Variants in FGGY observed in about 807,000 individuals in gnomAD.
FGGY encodes the protein FGGY carbohydrate kinase domain containing.
Under a neutral mutation model 71.3 loss-of-function variants are expected in FGGY, and 72 were observed. The observed-to-expected ratio is 1.01, with a 90% CI of 0.84 to 1.23. FGGY has a LOEUF of 1.23. Among genes scored for constraint, FGGY ranks in the 50% most tolerant of loss-of-function variants. The probability of loss-of-function intolerance (pLI) is 0.00; values close to 1 mark genes in which losing one functional copy is unlikely to be tolerated. For synonymous variants in FGGY, 251 were observed against 250.3 expected, an observed-to-expected ratio of 1.00 and a Z score of -0.02; for missense variants, 668 against 682.3, an observed-to-expected ratio of 0.98 and a Z score of 0.23.
At chr1:59,727,952 T>C (rs1299638248) in intron 14 of FGGY, among the ~76,000 whole-genome samples, 1 of 152,156 alleles carries the variant, frequency 6.6e-6, no homozygotes, top group Non-Finnish European at 1.5e-5. Flanking sequence ...AAAAGTGGGT[T>C]TCTTTGTAGG....
intron 7 of FGGY, among the ~76,000 whole-genome samples, chr1:59,525,260 C>T (rs900705823): frequency 6.6e-5 from 10 of 152,232 alleles, no homozygotes; most frequent in Non-Finnish European, 1.0e-4. Context: ...CACTGCTCCA[C>T]GCCTGGGTCA....
intron 6 of FGGY, among the ~76,000 whole-genome samples, chr1:59,475,745 A>G (rs926646601): frequency 6.6e-6 from 1 of 152,232 alleles, no homozygotes. Context: ...CACTATTAGT[A>G]TCGTAGTTCA....
intron 11 of FGGY, among the ~76,000 whole-genome samples, chr1:59,646,283 T>A (rs779703117): frequency 1.1e-4 from 16 of 152,174 alleles, no homozygotes; most frequent in Non-Finnish European, 2.1e-4. Context: ...AGTTTGTGGA[T>A]GTTTTTGCTG....
intron 3 of FGGY, among the ~76,000 whole-genome samples, chr1:59,341,983 G>A (rs1437380232): frequency 2.0e-5 from 3 of 152,088 alleles, no homozygotes; most frequent in Non-Finnish European, 2.9e-5. Flanking sequence ...GGTGTTGGGG[G>A]CAGAGTTAGA....
At chr1:59,732,738 GC>G (rs1395846209) in intron 14 of FGGY, among the ~76,000 whole-genome samples, 4 of 152,002 alleles carry the variant, frequency 2.6e-5, no homozygotes, top group Non-Finnish European at 5.9e-5. Context: ...GACCACTGTC[GC>G]CCCCACCTAG....
At chr1:59,412,965 G>A (rs1030879242) in intron 5 of FGGY, among the ~76,000 whole-genome samples, 2 of 152,116 alleles carry the variant, frequency 1.3e-5, no homozygotes, top group Non-Finnish European at 2.9e-5. Context: ...AAGTGCAAGA[G>A]CCCTCATTTT....
At chr1:59,564,117 G>T (rs1310479231) in intron 8 of FGGY, among the ~76,000 whole-genome samples, 1 of 152,174 alleles carries the variant, frequency 6.6e-6, no homozygotes, top group Non-Finnish European at 1.5e-5. Flanking sequence ...TACCATTCAG[G>T]ATGTAGGCAT....
At chr1:59,670,644 G>A (rs908361945) in intron 13 of FGGY, among the ~76,000 whole-genome samples, 29 of 152,054 alleles carry the variant, frequency 1.9e-4, no homozygotes, top group African/African-American at 6.5e-4. Context: ...GTCCAAGTAG[G>A]TGATCAGTAA....
At chr1:59,373,641 A>G (rs1265430696) in intron 4 of FGGY, among the ~76,000 whole-genome samples, 2 of 152,192 alleles carry the variant, frequency 1.3e-5, no homozygotes, top group Non-Finnish European at 2.9e-5. Flanking sequence ...GCATCACGCT[A>G]CCTGACTTCA....
At chr1:59,364,849 A>G (rs1459775793) in intron 4 of FGGY, among the ~76,000 whole-genome samples, 1 of 152,256 alleles carries the variant, frequency 6.6e-6, no homozygotes, top group African/African-American at 2.4e-5. Flanking sequence ...GAAGAACTCT[A>G]ATACAGGGTG....
At chr1:59,704,978 G>T (rs1169325004) in intron 14 of FGGY, among the ~76,000 whole-genome samples, 3 of 152,156 alleles carry the variant, frequency 2.0e-5, no homozygotes, top group Admixed American at 6.6e-5. Flanking sequence ...GGCAGAAAAT[G>T]ACTGCTCATT....
At position 59,762,581 on chromosome 1, in the gene FGGY, C is replaced by G; in HGVS notation, c.1653C>G (p.Asp551Glu). 1 of 1,613,200 alleles carries G rather than the reference C, an allele frequency of 6.2e-7. No homozygotes were observed. Among genetic ancestry groups the G allele is most frequent in the Admixed American group, 1.7e-5 (1 of 60,004 alleles). The change falls in exon 16 of 16, where the codon GAC (aspartate) becomes GAG (glutamate). Residue 551 changes from aspartate to glutamate, a missense_variant. By Grantham distance (45) the Asp-to-Glu change is conservative (BLOSUM62 2). Around this residue, in one of 2 missense-constraint regions of FGGY, gnomAD observed 661 missense variants for 661.6 expected, o/e 1.00. Coordinates refer to ENST00000303721, the MANE Select transcript of FGGY (RefSeq NM_018291.5). ...QKEYLAIMND[D>E] is the part of the protein sequence containing the mutation. ...AGTATTTGGCGATCATGAATGATGACTGAACAGGGCTTGCAGGTGCTGATG... is the reference window on the plus strand; with the variant it reads ...AGTATTTGGCGATCATGAATGATGAGTGAACAGGGCTTGCAGGTGCTGATG...
chr1:59,357,252 G>A (rs1319477821), intron 4 of FGGY, among the ~76,000 whole-genome samples: 2 of 151,122 alleles, frequency 1.3e-5, no homozygotes, highest in Non-Finnish European at 2.9e-5. Context: ...TAGTTTTATA[G>A]TCCAGCAAAG....
In FGGY at chr1:59,609,801, G is replaced by A. The variant is rs563894239; in HGVS notation, c.1011+1891G>A. On this transcript the variant is annotated intron_variant, in intron 9 of 15. Coordinates refer to ENST00000303721, the MANE Select transcript of FGGY (RefSeq NM_018291.5). The stretch of plus-strand genomic sequence containing the variant: ...TCAAAGTAAATGGAAGCATAGGTGG[G>A]TAGATGGATTCAAAGGGCATGTTCT... Among the ~76,000 whole-genome samples the A allele has an allele frequency of 9.8e-5, 15 of 152,334 alleles. No homozygotes were observed. In the East Asian group the frequency reaches 2.3e-3, roughly 24 times the overall value.
intron 14 of FGGY, chr1:59,680,711 T>C (rs1017864365): frequency 1.3e-5 from 2 of 152,204 alleles, no homozygotes; most frequent in African/African-American, 4.8e-5. Flanking sequence ...TTACTTTCCA[T>C]CCATTGTCAT....
At chr1:59,616,082 T>G (rs1417956234) in intron 9 of FGGY, among the ~76,000 whole-genome samples, 3 of 152,162 alleles carry the variant, frequency 2.0e-5, no homozygotes, top group Non-Finnish European at 2.9e-5. Flanking sequence ...GTGTGGTGAT[T>G]CCTCAGGGAT....
intron 7 of FGGY, among the ~76,000 whole-genome samples, chr1:59,543,010 G>A (rs2095468705): frequency 1.3e-5 from 2 of 152,156 alleles, no homozygotes; most frequent in African/African-American, 4.8e-5. Context: ...GTGGAGAGGA[G>A]AGCTAAATCT....
chr1:59,671,751 C>T (rs1178576765), intron 13 of FGGY, among the ~76,000 whole-genome samples: 2 of 152,130 alleles, frequency 1.3e-5, no homozygotes, highest in African/African-American at 2.4e-5. Flanking sequence ...ATGAGATAGG[C>T]GGAATTTTAA....
chr1:59,564,907 G>A (rs1432901949), intron 8 of FGGY, among the ~76,000 whole-genome samples: 1 of 152,156 alleles, frequency 6.6e-6, no homozygotes, highest in Non-Finnish European at 1.5e-5. Flanking sequence ...GATGGCCTGA[G>A]CCCAGTTTTC....
Sources: gnomAD v4.1 joint callset for allele counts (sites outside exome capture counted in the v4.1 genomes callset) on GRCh38, gnomAD v4.1.1 for gene constraint, gnomAD v4.1.1 regional missense constraint, MANE v1.5 for transcripts, NCBI Gene and HGNC (gene_info 2026-07-23, HGNC 2026-07-21) for gene names.